Variants in CXCL13 observed in about 807,000 individuals in gnomAD.
CXCL13 encodes the protein C-X-C motif chemokine 13.
In CXCL13, 7 loss-of-function variants were observed where a neutral mutation model predicts 12.2. The observed-to-expected ratio is 0.57, with a 90% CI of 0.33 to 1.07. The LOEUF (loss-of-function observed/expected upper bound fraction) is 1.07. Among genes scored for constraint, CXCL13 ranks in the 50% least tolerant of loss-of-function variants. The pLI, the probability that CXCL13 is intolerant of heterozygous loss-of-function variation, is 0.04. For synonymous variants in CXCL13, 47 were observed against 42.4 expected (o/e 1.11, Z -0.42); for missense variants, 113 against 127.4 (o/e 0.89, Z 0.55).
Position 77,580,624 on chromosome 4 carries a change from C to T in CXCL13, c.-42-25200C>T, listed in dbSNP as rs148275686. Reference sequence around the variant, plus strand: ...ACAGGTGTGAGCCACCATGCCCAGCCGGGCTCTTATAAAGCCTTCAGGATT... The same window carrying T: ...ACAGGTGTGAGCCACCATGCCCAGCTGGGCTCTTATAAAGCCTTCAGGATT... On this transcript the variant is annotated intron_variant, in intron 1 of 4. Coordinates refer to the CXCL13 transcript ENST00000286758. Among the ~76,000 whole-genome samples the T allele has an allele frequency of 1.3e-3, 190 of 151,890 alleles. 3 individuals are homozygous for T. The East Asian group carries it at 0.025, about 20-fold the overall frequency.
chr4:77,563,023 C>A (rs1725848667), intron 1 of CXCL13, among the ~76,000 whole-genome samples: 1 of 152,092 alleles, frequency 6.6e-6, no homozygotes, highest in South Asian at 2.1e-4. Context: ...ATAAATCTTG[C>A]TGCTTCTCAC....
chr4:77,557,167 A>T (rs1241482321), intron 1 of CXCL13, among the ~76,000 whole-genome samples: 1 of 152,242 alleles, frequency 6.6e-6, no homozygotes, highest in Non-Finnish European at 1.5e-5. Context: ...TGATTTATTC[A>T]TTGAATTCAT....
chr4:77,575,315 A>C (rs1290944485), intron 1 of CXCL13, among the ~76,000 whole-genome samples: 1 of 151,842 alleles, frequency 6.6e-6, no homozygotes, highest in East Asian at 1.9e-4. Flanking sequence ...TTTTATTATA[A>C]TACTTTAAGT....
At chr4:77,568,435 C>G (rs929861070) in intron 1 of CXCL13, among the ~76,000 whole-genome samples, 19 of 152,184 alleles carry the variant, frequency 1.2e-4, no homozygotes, top group Non-Finnish European at 2.4e-4. Flanking sequence ...TAACAACCAG[C>G]CATTTTACTT....
At chr4:77,570,913 C>G (rs182617160) in intron 1 of CXCL13, among the ~76,000 whole-genome samples, 1 of 152,000 alleles carries the variant, frequency 6.6e-6, no homozygotes, top group Non-Finnish European at 1.5e-5. Flanking sequence ...GGGCAGGCCT[C>G]GGGACTGCAG....
intron 1 of CXCL13, among the ~76,000 whole-genome samples, chr4:77,513,873 T>C (rs1210323988): frequency 6.6e-6 from 1 of 151,868 alleles, no homozygotes; most frequent in Non-Finnish European, 1.5e-5. Flanking sequence ...GTTACATATG[T>C]ATACATGTGA....
intron 1 of CXCL13, among the ~76,000 whole-genome samples, chr4:77,567,751 A>G (rs1725973233): frequency 6.6e-6 from 1 of 152,158 alleles, no homozygotes; most frequent in Admixed American, 6.5e-5. Flanking sequence ...CAGTGTATAA[A>G]TGCCATGGGA....
chr4:77,587,285 T>G (rs1043252124), intron 1 of CXCL13, among the ~76,000 whole-genome samples: 1 of 152,206 alleles, frequency 6.6e-6, no homozygotes, highest in African/African-American at 2.4e-5. Flanking sequence ...CCATCCCCTT[T>G]GTTCATTCAC....
intron 1 of CXCL13, among the ~76,000 whole-genome samples, chr4:77,552,160 A>T (rs1163842313): frequency 6.6e-6 from 1 of 152,192 alleles, no homozygotes; most frequent in South Asian, 2.1e-4. Context: ...CAGATTTTTC[A>T]TTGTGCCAGA....
At chr4:77,608,271 T>A (rs1402789671) in intron 2 of CXCL13, among the ~76,000 whole-genome samples, 1 of 151,988 alleles carries the variant, frequency 6.6e-6, no homozygotes, top group East Asian at 1.9e-4. Flanking sequence ...AGAAACCCCG[T>A]CTCTACTAAA....
At chr4:77,519,927 A>G (rs1034907781) in intron 1 of CXCL13, among the ~76,000 whole-genome samples, 4 of 152,168 alleles carry the variant, frequency 2.6e-5, no homozygotes, top group Admixed American at 6.5e-5. Flanking sequence ...TCAGCTTTCT[A>G]CATATGGCTA....
At chr4:77,519,590 G>A (rs2110079404) in intron 1 of CXCL13, among the ~76,000 whole-genome samples, 1 of 152,282 alleles carries the variant, frequency 6.6e-6, no homozygotes, top group Admixed American at 6.5e-5. Context: ...ATTTGTTTGA[G>A]TTCTTTGTAG....
chr4:77,553,490 G>T (rs555323092), intron 1 of CXCL13, among the ~76,000 whole-genome samples: 1 of 152,220 alleles, frequency 6.6e-6, no homozygotes, highest in Non-Finnish European at 1.5e-5. Flanking sequence ...CCTTTCCCCA[G>T]TATAGCTCCA....
chr4:77,579,519 T>C lies in CXCL13; in HGVS notation c.-42-26305T>C, dbSNP rs10009964. Among the ~76,000 whole-genome samples the C allele has an allele frequency of 6.2e-3, 944 of 152,334 alleles. 9 individuals carry two copies. The highest frequency in any genetic ancestry group is 0.022 in the African/African-American group (910 of 41,564). ...AAGGTTTTCTCAATGTATTATGCTATTGGAGTCCCCAGAAGTCTAGTAATC... is the reference window on the plus strand; with the variant it reads ...AAGGTTTTCTCAATGTATTATGCTACTGGAGTCCCCAGAAGTCTAGTAATC... On this transcript the variant is annotated intron_variant, in intron 1 of 4. Coordinates refer to the CXCL13 transcript ENST00000286758.
chr4:77,573,536 G>T (rs1216416285), intron 1 of CXCL13, among the ~76,000 whole-genome samples: 1 of 151,726 alleles, frequency 6.6e-6, no homozygotes, highest in African/African-American at 2.4e-5. Context: ...AAGTTCACAT[G>T]ACTTAAGTTC....
intron 1 of CXCL13, among the ~76,000 whole-genome samples, chr4:77,567,351 T>A (rs1164354823): frequency 1.3e-5 from 2 of 152,200 alleles, no homozygotes; most frequent in Non-Finnish European, 2.9e-5. Context: ...GGTGGTCTCT[T>A]CACATGGACG....
intron 1 of CXCL13, among the ~76,000 whole-genome samples, chr4:77,587,745 G>A (rs1363143284): frequency 2.6e-5 from 4 of 152,200 alleles, no homozygotes; most frequent in Non-Finnish European, 4.4e-5. Context: ...GATTCAAGTC[G>A]AAGTCAGTCT....
At chr4:77,576,974 T>A (rs1302731876) in intron 1 of CXCL13, among the ~76,000 whole-genome samples, 1 of 152,206 alleles carries the variant, frequency 6.6e-6, no homozygotes, top group Non-Finnish European at 1.5e-5. Flanking sequence ...TGCCTACATC[T>A]TAGACTAACC....
At chr4:77,581,972 G>A (rs989819905) in intron 1 of CXCL13, among the ~76,000 whole-genome samples, 2 of 152,156 alleles carry the variant, frequency 1.3e-5, no homozygotes, top group Non-Finnish European at 2.9e-5. Flanking sequence ...CTAAAGGAGA[G>A]TAGTGAGTCA....
Sources: gnomAD v4.1 joint callset for allele counts (sites outside exome capture counted in the v4.1 genomes callset) on GRCh38, gnomAD v4.1.1 for gene constraint, MANE v1.5 for transcripts, NCBI Gene and HGNC (gene_info 2026-07-23, HGNC 2026-07-21) for gene names.